The following PDE4D variants were observed in gnomAD, a reference collection of about 807,000 sequenced individuals.
PDE4D encodes the protein 3',5'-cyclic-AMP phosphodiesterase 4D.
In PDE4D, 24 loss-of-function variants were observed where a neutral mutation model predicts 87.4. That is an observed-to-expected ratio of 0.27 (90% confidence interval 0.20 to 0.39). The LOEUF (loss-of-function observed/expected upper bound fraction) is 0.39, where lower values mean the gene tolerates loss of function less well. PDE4D is among the 10% of genes least tolerant of loss of function. The probability of loss-of-function intolerance (pLI) is 1.00; values close to 1 mark genes in which losing one functional copy is unlikely to be tolerated. For synonymous variants in PDE4D, 384 were observed against 383.2 expected (o/e 1.00, Z -0.02); for missense variants, 714 against 1,041.0 (o/e 0.69, Z 4.32).
At chr5:60,127,776 T>C (rs889273092) in intron 2 of PDE4D, 3 of 502,782 alleles carry the variant, frequency 6.0e-6, no homozygotes, top group Non-Finnish European at 1.1e-5. Context: ...CGGTAGGATA[T>C]ACAGGTCTGA....
chr5:59,446,793 CT>C (rs2153638537), intron 1 of PDE4D, among the ~76,000 whole-genome samples: 1 of 152,296 alleles, frequency 6.6e-6, no homozygotes, highest in African/African-American at 2.4e-5. Flanking sequence ...GTCTTTCTGC[CT>C]CTTTTCTCTT....
At chr5:59,299,411 G>A (rs1191664941) in intron 1 of PDE4D, among the ~76,000 whole-genome samples, 1 of 152,112 alleles carries the variant, frequency 6.6e-6, no homozygotes. Flanking sequence ...TATTTTTTCA[G>A]AGATCCTTCC....
intron 1 of PDE4D, among the ~76,000 whole-genome samples, chr5:59,224,158 G>C (rs958759457): frequency 5.5e-5 from 8 of 144,374 alleles, no homozygotes; most frequent in African/African-American, 7.8e-5. Flanking sequence ...AGTCAGGCAC[G>C]ATGATGGCAC....
At chr5:59,697,370 T>A (rs1751936581) in intron 1 of PDE4D, among the ~76,000 whole-genome samples, 1 of 152,196 alleles carries the variant, frequency 6.6e-6, no homozygotes, top group African/African-American at 2.4e-5. Flanking sequence ...CAAAGGGGCT[T>A]AATCTTTCTG....
At chr5:60,052,156 T>C (rs1268695219) in intron 2 of PDE4D, among the ~76,000 whole-genome samples, 3 of 152,002 alleles carry the variant, frequency 2.0e-5, no homozygotes, top group Non-Finnish European at 2.9e-5. Context: ...CTCCAATCAA[T>C]AGAAAAAGAG....
intron 1 of PDE4D, among the ~76,000 whole-genome samples, chr5:59,845,912 C>T (rs1743772469): frequency 6.6e-6 from 1 of 151,984 alleles, no homozygotes; most frequent in African/African-American, 2.4e-5. Flanking sequence ...ATCCCAGAAG[C>T]AGTTATGTGC....
intron 1 of PDE4D, chr5:59,529,248 A>G (rs1813714352): frequency 2.1e-6 from 1 of 471,606 alleles, no homozygotes; most frequent in East Asian, 5.6e-5. Context: ...TTAACATCTC[A>G]TATTAAGTCT....
intron 1 of PDE4D, among the ~76,000 whole-genome samples, chr5:59,756,764 G>T (rs1230918005): frequency 6.7e-6 from 1 of 150,188 alleles, no homozygotes; most frequent in Non-Finnish European, 1.5e-5. Context: ...GGTGGCACTT[G>T]TACCTTCACA....
chr5:59,016,635 C>G (rs1246287687), intron 6 of PDE4D, among the ~76,000 whole-genome samples: 1 of 152,046 alleles, frequency 6.6e-6, no homozygotes, highest in East Asian at 1.9e-4. Flanking sequence ...TTTAACTTAG[C>G]ATTTCTGAAA....
intron 1 of PDE4D, among the ~76,000 whole-genome samples, chr5:59,284,918 T>A (rs1288973848): frequency 2.1e-5 from 1 of 47,594 alleles, no homozygotes; most frequent in African/African-American, 8.4e-5. Flanking sequence ...TGTAGGGACA[T>A]GGATGAAATT....
intron 1 of PDE4D, among the ~76,000 whole-genome samples, chr5:59,526,687 G>A (rs538246602): frequency 6.6e-6 from 1 of 152,258 alleles, no homozygotes; most frequent in South Asian, 2.1e-4. Context: ...GCAGTGGCGT[G>A]ATCTCGGCTC....
chr5:59,348,209 T>C (rs1779911038), intron 1 of PDE4D, among the ~76,000 whole-genome samples: 1 of 152,174 alleles, frequency 6.6e-6, no homozygotes, highest in Non-Finnish European at 1.5e-5. Flanking sequence ...TTAAAAACAA[T>C]GGAAATAAGT....
chr5:59,140,983 C>T (rs948959387), intron 5 of PDE4D, among the ~76,000 whole-genome samples: 2 of 152,144 alleles, frequency 1.3e-5, no homozygotes, highest in African/African-American at 4.8e-5. Flanking sequence ...CAGGAATGAT[C>T]TTCTATTTTT....
At chr5:60,140,956 G>A (rs1240793853) in intron 2 of PDE4D, among the ~76,000 whole-genome samples, 1 of 152,104 alleles carries the variant, frequency 6.6e-6, no homozygotes, top group Admixed American at 6.6e-5. Flanking sequence ...TTTTATAGAC[G>A]CCAAAGCTAG....
chr5:59,984,389 C>G (rs1268902983), intron 3 of PDE4D, among the ~76,000 whole-genome samples: 1 of 152,188 alleles, frequency 6.6e-6, no homozygotes, highest in Non-Finnish European at 1.5e-5. Context: ...CTGAATTCGC[C>G]TACCCTGTAC....
At chr5:59,507,494 T>C (rs1809468645) in intron 1 of PDE4D, among the ~76,000 whole-genome samples, 1 of 151,024 alleles carries the variant, frequency 6.6e-6, no homozygotes, top group Non-Finnish European at 1.5e-5. Context: ...AGACCCAGTC[T>C]ATACAAAAAA....
intron 1 of PDE4D, among the ~76,000 whole-genome samples, chr5:60,251,687 C>T (rs752901730): frequency 6.6e-6 from 1 of 151,776 alleles, no homozygotes. Context: ...CTACCTGTGT[C>T]TTTATGATAT....
chr5:60,375,853 A>G (rs944243808), intron 1 of PDE4D, among the ~76,000 whole-genome samples: 9 of 152,216 alleles, frequency 5.9e-5, no homozygotes, highest in African/African-American at 1.9e-4. Context: ...ATCCTGGCCA[A>G]CATGGTGAAA....
chr5:59,333,821 T>C (rs1282020438), intron 1 of PDE4D, among the ~76,000 whole-genome samples: 1 of 152,168 alleles, frequency 6.6e-6, no homozygotes, highest in Non-Finnish European at 1.5e-5. Flanking sequence ...GGATAATTTA[T>C]CTTTAATTTT....
Sources: gnomAD v4.1 joint callset for allele counts (sites outside exome capture counted in the v4.1 genomes callset) on GRCh38, gnomAD v4.1.1 for gene constraint, MANE v1.5 for transcripts, NCBI Gene and HGNC (gene_info 2026-07-23, HGNC 2026-07-21) for gene names.